Variants in TMEM65 observed in about 807,000 individuals in gnomAD.
TMEM65 encodes transmembrane protein 65.
Under a neutral mutation model 25.4 loss-of-function variants are expected in TMEM65, and 22 were observed. The observed-to-expected ratio is 0.86, with a 90% CI of 0.62 to 1.23. The LOEUF is 1.23. TMEM65 is among the 50% of genes most tolerant of loss of function. The pLI is 0.00. For missense variants in TMEM65, 262 were observed against 308.2 expected, an observed-to-expected ratio of 0.85 and a Z score of 1.12; for synonymous variants, 132 against 126.2, an observed-to-expected ratio of 1.05 and a Z score of -0.31.
intron 1 of TMEM65, among the ~76,000 whole-genome samples, chr8:124,339,065 T>C (rs1023939455): frequency 2.7e-5 from 4 of 150,790 alleles, no homozygotes; most frequent in Non-Finnish European, 4.4e-5. Context: ...GGCAGGCGCC[T>C]GTAGTCCCAG....
chr8:124,343,751 T>G (rs1814610854), intron 1 of TMEM65, among the ~76,000 whole-genome samples: 1 of 152,180 alleles, frequency 6.6e-6, no homozygotes, highest in Non-Finnish European at 1.5e-5. Flanking sequence ...AACCTGTGCC[T>G]CTTTTCCTCT....
chr8:124,348,550 TA>T (rs550061313), intron 1 of TMEM65, among the ~76,000 whole-genome samples: 1 of 152,150 alleles, frequency 6.6e-6, no homozygotes, highest in Non-Finnish European at 1.5e-5. Flanking sequence ...ATTTTTAGTT[TA>T]AAAAATCATA....
chr8:124,352,752 A>G (rs1814728039), intron 1 of TMEM65, among the ~76,000 whole-genome samples: 1 of 152,130 alleles, frequency 6.6e-6, no homozygotes, highest in Non-Finnish European at 1.5e-5. Context: ...AGGGGAAGCC[A>G]CAGAAGCCTA....
chr8:124,320,622 A>G (rs1405002925), intron 5 of TMEM65, among the ~76,000 whole-genome samples: 1 of 152,182 alleles, frequency 6.6e-6, no homozygotes, highest in Admixed American at 6.5e-5. Context: ...ATCAGACAGC[A>G]AAAGTTTCCA....
rs1814113048 is a variant in TMEM65, at chr8:124,307,918, A to T, written c.*6042T>A. On this transcript the variant is annotated 3_prime_UTR_variant, in exon 7 of 7. Coordinates refer to ENST00000297632, the MANE Select transcript of TMEM65 (RefSeq NM_194291.3). ...AAGAACATTTATTAGTAAAGAAGAG[A>T]AGTGAGCACCAGGGTTTAAGGCAGA... is the stretch of plus-strand genomic sequence containing the variant. 6.6e-6 allele frequency: 1 copy of T among 152,150 alleles called. No homozygotes were observed. The highest frequency in any genetic ancestry group is 6.5e-5 in the Admixed American group (1 of 15,270). The allele number at this position is 152,150 out of a possible 1,614,324, so 9.4% of individuals were successfully genotyped here. A position where few individuals can be genotyped will look rare whatever the true frequency, so the allele number is the denominator to read the frequency against.
At position 124,363,836 on chromosome 8, in the gene TMEM65, CAAAAAAAAAAAAAAAAAA is replaced by C. The variant is rs869161640; in HGVS notation, c.304+8000_304+8017del. Among the ~76,000 whole-genome samples, 6 of 55,714 alleles carry C rather than the reference CAAAAAAAAAAAAAAAAAA, an allele frequency of 1.1e-4. 1 individual carries two copies. The highest frequency in any genetic ancestry group is 3.2e-4 in the African/African-American group (4 of 12,604). The allele number at this position is 55,714 out of a possible 152,430, so 36.6% of individuals were successfully genotyped here. A position where few individuals can be genotyped will look rare whatever the true frequency, so the allele number is the denominator to read the frequency against. ...AGGGCGACAGAGCGAGACTCCGTCT[CAAAAAAAAAAAAAAAAAA>C]AAAAAAAAAAAAACAAGAAGTATCA... On this transcript the variant is annotated intron_variant, in intron 1 of 6. Coordinates refer to ENST00000297632, the MANE Select transcript of TMEM65 (RefSeq NM_194291.3).
intron 1 of TMEM65, among the ~76,000 whole-genome samples, chr8:124,363,121 T>G (rs1477844433): frequency 2.0e-5 from 3 of 152,206 alleles, no homozygotes; most frequent in Non-Finnish European, 4.4e-5. Flanking sequence ...AATTTCAAAT[T>G]GAAAGTTTAG....
chr8:124,328,275 G>A (rs754536436), intron 2 of TMEM65, among the ~76,000 whole-genome samples: 2 of 151,800 alleles, frequency 1.3e-5, no homozygotes, highest in Admixed American at 6.6e-5. Flanking sequence ...GTGGTGGTGC[G>A]TGCCTGTAGT....
At chr8:124,333,689 A>G (rs576919571) in intron 1 of TMEM65, among the ~76,000 whole-genome samples, 15 of 152,322 alleles carry the variant, frequency 9.8e-5, no homozygotes, top group Admixed American at 9.8e-4. Context: ...CAACAAATTA[A>G]CTACCTGAAA....
At position 124,310,861 on chromosome 8, in the gene TMEM65, A is replaced by G. The variant is rs1303565949; in HGVS notation, c.*3099T>C. The G allele has an allele frequency of 6.6e-6, 1 of 152,060 alleles. No homozygotes were observed. The highest frequency in any genetic ancestry group is 2.4e-5 in the African/African-American group (1 of 41,426). The allele number at this position is 152,060 out of a possible 1,614,324, so 9.4% of individuals were successfully genotyped here. A position where few individuals can be genotyped will look rare whatever the true frequency, so the allele number is the denominator to read the frequency against. ...AGAAAAAAAAATGAAAACTATAAAAACTAGATTCTCAAGGTACTGCATTAC... is the reference window on the plus strand; with the variant it reads ...AGAAAAAAAAATGAAAACTATAAAAGCTAGATTCTCAAGGTACTGCATTAC... On this transcript the variant is annotated 3_prime_UTR_variant, in exon 7 of 7. Transcript: ENST00000297632.
chr8:124,353,646 C>G (rs1814740635), intron 1 of TMEM65, among the ~76,000 whole-genome samples: 1 of 151,810 alleles, frequency 6.6e-6, no homozygotes, highest in Admixed American at 6.6e-5. Context: ...GCTAGGGCAG[C>G]AAAAGTGCAA....
intron 1 of TMEM65, among the ~76,000 whole-genome samples, chr8:124,336,996 C>T (rs1449495579): frequency 6.6e-6 from 1 of 151,786 alleles, no homozygotes; most frequent in African/African-American, 2.4e-5. Flanking sequence ...AAAAACGTTA[C>T]ACCCAAAATT....
At chr8:124,326,014 C>T (rs1814361697) in intron 3 of TMEM65, among the ~76,000 whole-genome samples, 1 of 152,026 alleles carries the variant, frequency 6.6e-6, no homozygotes, top group South Asian at 2.1e-4. Flanking sequence ...TCACATTCAA[C>T]AATCCTAAGG....
chr8:124,366,924 A>G (rs1814946591), intron 1 of TMEM65, among the ~76,000 whole-genome samples: 1 of 152,214 alleles, frequency 6.6e-6, no homozygotes, highest in African/African-American at 2.4e-5. Flanking sequence ...CAACTTATAG[A>G]AGCCCATGGC....
At position 124,372,220 on chromosome 8, in the gene TMEM65, G is replaced by T; in HGVS notation, c.-63C>A. ...CAAGGCGGTTTCTGGCGCGGCTGAGGCGAGAAGGAGCTGGGCTCAGCTCGA... is the reference window on the plus strand; with the variant it reads ...CAAGGCGGTTTCTGGCGCGGCTGAGTCGAGAAGGAGCTGGGCTCAGCTCGA... On this transcript the variant is annotated 5_prime_UTR_variant, in exon 1 of 7. Coordinates refer to ENST00000297632, the MANE Select transcript of TMEM65 (RefSeq NM_194291.3). 1 of 1,226,162 alleles carries T rather than the reference G, an allele frequency of 8.2e-7. No homozygotes were observed. Among genetic ancestry groups the T allele is most frequent in the Non-Finnish European group, 1.0e-6 (1 of 975,568 alleles). The allele number at this position is 1,226,162 out of a possible 1,614,324, so 76.0% of individuals were successfully genotyped here.
At chr8:124,361,973 C>A (rs1242506373) in intron 1 of TMEM65, among the ~76,000 whole-genome samples, 1 of 152,012 alleles carries the variant, frequency 6.6e-6, no homozygotes, top group Non-Finnish European at 1.5e-5. Flanking sequence ...TCACTGCAAC[C>A]TCTGCCTCCT....
chr8:124,322,257 GCAA>G, intron 4 of TMEM65, 110 bp from the exon 5 acceptor site: 2 of 753,428 alleles, frequency 2.7e-6, no homozygotes, highest in East Asian at 6.0e-5. Context: ...TCAAACAACA[GCAA>G]CCATATCCAA....
At chr8:124,341,316 C>T (rs918333471) in intron 1 of TMEM65, among the ~76,000 whole-genome samples, 3 of 151,764 alleles carry the variant, frequency 2.0e-5, no homozygotes, top group Admixed American at 6.6e-5. Context: ...TTGCAAAGGA[C>T]GAATCTTGTA....
chr8:124,314,523 A>G (rs1814208562), intron 6 of TMEM65, among the ~76,000 whole-genome samples: 1 of 152,240 alleles, frequency 6.6e-6, no homozygotes, highest in African/African-American at 2.4e-5. Flanking sequence ...TTCATCCTTG[A>G]CAACGCTGCA....
Sources: allele counts gnomAD v4.1 joint callset (sites outside exome capture counted in the v4.1 genomes callset), GRCh38; gene constraint gnomAD v4.1.1; transcripts MANE v1.5; gene names NCBI Gene and HGNC (gene_info 2026-07-23, HGNC 2026-07-21).